The following CDH4 variants were observed in gnomAD, a reference collection of about 807,000 sequenced individuals.
The protein encoded by CDH4 is cadherin 4.
In CDH4, 33 loss-of-function variants were observed where a neutral mutation model predicts 86.0. That is an observed-to-expected ratio of 0.38 (90% CI 0.29 to 0.51). The LOEUF is 0.51. Among genes scored for constraint, CDH4 ranks in the 20% least tolerant of loss-of-function variants. The pLI, the probability that CDH4 is intolerant of heterozygous loss-of-function variation, is 0.86. For missense variants in CDH4, 1,114 were observed against 1,307.4 expected, an observed-to-expected ratio of 0.85 and a Z score of 2.28; for synonymous variants, 555 against 549.4, an observed-to-expected ratio of 1.01 and a Z score of -0.14.
chr20:61,596,783 G>C (rs983335287), intron 2 of CDH4, among the ~76,000 whole-genome samples: 4 of 152,150 alleles, frequency 2.6e-5, no homozygotes, highest in African/African-American at 9.7e-5. Flanking sequence ...CTCCTTTCCA[G>C]ACTCCTTCCC....
chr20:61,406,326 C>G (rs2085082232), intron 2 of CDH4, among the ~76,000 whole-genome samples: 1 of 150,938 alleles, frequency 6.6e-6, no homozygotes, highest in Admixed American at 6.6e-5. Context: ...CCACCATCTG[C>G]TCTGCCCGGA....
chr20:61,254,458 C>G (rs1026308541), intron 1 of CDH4, among the ~76,000 whole-genome samples: 14 of 152,260 alleles, frequency 9.2e-5, no homozygotes, highest in African/African-American at 3.4e-4. Flanking sequence ...ACTTTGGCCT[C>G]CCTGCCCTTA....
rs977062884 is a variant in CDH4, at chr20:61,510,955, G to C, written c.170-232608G>C. Among the ~76,000 whole-genome samples, 3 of 151,850 alleles carry C rather than the reference G, an allele frequency of 2.0e-5. No homozygotes were observed. Among genetic ancestry groups the C allele is most frequent in the Non-Finnish European group, 2.9e-5 (2 of 68,004 alleles). On this transcript the variant is annotated intron_variant, in intron 2 of 15. Coordinates refer to ENST00000614565, the MANE Select transcript of CDH4 (RefSeq NM_001794.5). The surrounding 1 kb of genome is among the most constrained non-coding windows in gnomAD (Gnocchi z 4.2). ...TGAAAGCAGGAGTGAGAGAGAGAGA[G>C]AAAGTTGGGGGCGGCTGTCTCACAC...
chr20:61,274,425 GTGCA>G (rs2084212954), intron 2 of CDH4, among the ~76,000 whole-genome samples: 1 of 110,142 alleles, frequency 9.1e-6, no homozygotes, highest in African/African-American at 3.5e-5. Flanking sequence ...GGAGTACCAT[GTGCA>G]GTTTGGGGGA....
Position 61,399,157 on chromosome 20 carries a change from A to G in CDH4, c.169+144220A>G, listed in dbSNP as rs78144831. On this transcript the variant is annotated intron_variant, in intron 2 of 15. Coordinates refer to ENST00000614565, the MANE Select transcript of CDH4 (RefSeq NM_001794.5). ...TTTTTTTTTTTTGAGACGGAGTCTC[A>G]CTCTGTCGCCCAGGCCGGACTGCGG... 3.3e-5 allele frequency among the ~76,000 whole-genome samples: 3 copies of G among 90,988 alleles called. 1 individual carries two copies. The highest frequency in any genetic ancestry group is 6.0e-5 in the Non-Finnish European group (3 of 50,126). 59.7% of individuals were successfully genotyped at this position (90,988 alleles called of 152,430 possible).
intron 2 of CDH4, among the ~76,000 whole-genome samples, chr20:61,300,144 G>T (rs2084378327): frequency 6.6e-6 from 1 of 152,292 alleles, no homozygotes; most frequent in Middle Eastern, 3.4e-3. Flanking sequence ...GCATGGGGAG[G>T]GCGGGTGGAC....
At chr20:61,532,379 G>C (rs1473143409) in intron 2 of CDH4, among the ~76,000 whole-genome samples, 1 of 152,186 alleles carries the variant, frequency 6.6e-6, no homozygotes, top group Admixed American at 6.5e-5. Context: ...TCAACACGAG[G>C]CGGCAAATGT....
intron 15 of CDH4, among the ~76,000 whole-genome samples, chr20:61,934,645 T>C (rs1451983836): frequency 6.6e-6 from 1 of 152,108 alleles, no homozygotes; most frequent in African/African-American, 2.4e-5. Context: ...TGAATGGCCT[T>C]CCCGGGCTCG....
chr20:61,561,249 C>T (rs1024161866), intron 2 of CDH4, among the ~76,000 whole-genome samples: 3 of 152,262 alleles, frequency 2.0e-5, no homozygotes, highest in African/African-American at 7.2e-5. Flanking sequence ...GACCACACAA[C>T]CCACTCCTGT....
chr20:61,816,302 C>G (rs1039458302), intron 4 of CDH4, among the ~76,000 whole-genome samples: 2 of 152,182 alleles, frequency 1.3e-5, no homozygotes, highest in African/African-American at 4.8e-5. Flanking sequence ...AAAGAGTTTT[C>G]TCAAATCGCT....
intron 2 of CDH4, among the ~76,000 whole-genome samples, chr20:61,471,210 T>A (rs1409973247): frequency 6.6e-6 from 1 of 152,096 alleles, no homozygotes; most frequent in African/African-American, 2.4e-5. Context: ...ATCTTATTAC[T>A]CATTATTGGT....
chr20:61,496,877 G>A (rs180785906), intron 2 of CDH4, among the ~76,000 whole-genome samples: 115 of 152,008 alleles, frequency 7.6e-4, no homozygotes, highest in Admixed American at 2.0e-3. Context: ...CTTGGGCTAT[G>A]ATGGGTGAAG....
At chr20:61,720,690 C>T (rs916380415) in intron 2 of CDH4, among the ~76,000 whole-genome samples, 2 of 151,882 alleles carry the variant, frequency 1.3e-5, no homozygotes, top group African/African-American at 4.8e-5. Context: ...CTTTTCTCTC[C>T]AGCGTGATTT....
intron 3 of CDH4, among the ~76,000 whole-genome samples, chr20:61,744,332 T>G (rs1396488686): frequency 2.0e-4 from 25 of 122,692 alleles, no homozygotes; most frequent in East Asian, 4.8e-4. Context: ...AGAAGAGAGG[T>G]GGAGAGAGAC....
At chr20:61,513,509 G>A (rs538544590) in intron 2 of CDH4, among the ~76,000 whole-genome samples, 4 of 152,346 alleles carry the variant, frequency 2.6e-5, no homozygotes, top group Admixed American at 2.0e-4. Flanking sequence ...AGGCACAGAA[G>A]GCACCAGGCC....
intron 2 of CDH4, among the ~76,000 whole-genome samples, chr20:61,368,887 C>T (rs1441097207): frequency 6.6e-6 from 1 of 152,152 alleles, no homozygotes; most frequent in African/African-American, 2.4e-5. Context: ...AAATTAATAT[C>T]ACTGGTAATT....
intron 4 of CDH4, among the ~76,000 whole-genome samples, chr20:61,795,095 A>AGTG (rs368902190): frequency 3.5e-4 from 36 of 103,772 alleles, no homozygotes; most frequent in South Asian, 7.7e-4. Context: ...TGTTGATGGT[A>AGTG]ATGATGGTGA....
intron 4 of CDH4, among the ~76,000 whole-genome samples, chr20:61,803,146 T>G (rs1384863117): frequency 2.6e-5 from 4 of 152,098 alleles, no homozygotes; most frequent in Non-Finnish European, 4.4e-5. Context: ...TCGTTGACGG[T>G]GTGTCCGCGA....
intron 2 of CDH4, among the ~76,000 whole-genome samples, chr20:61,693,575 CCTGCGTCCGCTCCA>C (rs1247609043): frequency 6.6e-6 from 1 of 152,218 alleles, no homozygotes; most frequent in Non-Finnish European, 1.5e-5. Context: ...CCTCCTCTGC[CCTGCGTCCGCTCCA>C]CTGCAGCCTT....
Sources: allele counts gnomAD v4.1 joint callset (sites outside exome capture counted in the v4.1 genomes callset), GRCh38; gene constraint gnomAD v4.1.1; non-coding constraint Gnocchi (gnomAD v3.1); transcripts MANE v1.5; gene names NCBI Gene and HGNC (gene_info 2026-07-23, HGNC 2026-07-21).